CUX1: variants seen among roughly 807,000 people sequenced by gnomAD.
The protein encoded by CUX1 is protein CASP.
In CUX1, 31 loss-of-function variants were observed where a neutral mutation model predicts 158.8. That is an observed-to-expected ratio of 0.20 (90% CI 0.15 to 0.26). The LOEUF (loss-of-function observed/expected upper bound fraction) is 0.26. Ranked by LOEUF, CUX1 falls within the 10% of genes least tolerant of loss-of-function variation. CUX1 has a pLI of 1.00. For synonymous variants in CUX1, 879 were observed against 862.1 expected (o/e 1.02, Z -0.34); for missense variants, 1,589 against 2,014.6 (o/e 0.79, Z 4.04).
At chr7:102,265,217 A>G (rs1336393416) in intron 14 of CUX1, among the ~76,000 whole-genome samples, 3 of 151,952 alleles carry the variant, frequency 2.0e-5, no homozygotes, top group African/African-American at 7.2e-5. Flanking sequence ...TTAGCCGGGC[A>G]TGGTAGCGGG....
intron 2 of CUX1, among the ~76,000 whole-genome samples, chr7:101,976,482 G>A (rs779537675): frequency 6.6e-6 from 1 of 152,132 alleles, no homozygotes; most frequent in African/African-American, 2.4e-5. Flanking sequence ...AAACCCAGAC[G>A]GGGGCAGGAG....
chr7:101,886,537 T>G (rs1178500890), intron 1 of CUX1, among the ~76,000 whole-genome samples: 2 of 152,154 alleles, frequency 1.3e-5, no homozygotes, highest in South Asian at 4.1e-4. Context: ...TTTGTTGACT[T>G]GGCATTCGGC....
chr7:101,897,888 T>C (rs936897607), intron 1 of CUX1, among the ~76,000 whole-genome samples: 1 of 152,198 alleles, frequency 6.6e-6, no homozygotes, highest in Non-Finnish European at 1.5e-5. Context: ...CTGGATTTTA[T>C]CAATAGTTTT....
chr7:101,956,886 TTGTGGTGGGC>T (rs1809845463), intron 2 of CUX1, among the ~76,000 whole-genome samples: 1 of 152,114 alleles, frequency 6.6e-6, no homozygotes, highest in African/African-American at 2.4e-5. Context: ...GAGGTCGAGG[TTGTGGTGGGC>T]TGTGATCACA....
At chr7:102,148,202 A>G (rs1395099582) in intron 8 of CUX1, among the ~76,000 whole-genome samples, 1 of 152,142 alleles carries the variant, frequency 6.6e-6, no homozygotes, top group South Asian at 2.1e-4. Context: ...GCTGAGACCC[A>G]GGCCTGTAGG....
chr7:102,079,242 A>G (rs1827097882), intron 4 of CUX1, among the ~76,000 whole-genome samples: 1 of 152,156 alleles, frequency 6.6e-6, no homozygotes, highest in South Asian at 2.1e-4. Flanking sequence ...GTTCAAGACC[A>G]GTGTGACAAA....
intron 2 of CUX1, among the ~76,000 whole-genome samples, chr7:101,938,512 T>A (rs1304311229): frequency 1.3e-5 from 2 of 152,206 alleles, no homozygotes; most frequent in South Asian, 2.1e-4. Context: ...GAGATTTTTT[T>A]AAAAAGTCAG....
chr7:102,227,219 T>C (rs1798428086), intron 20 of CUX1, 148 bp from the exon 21 acceptor site: 2 of 691,800 alleles, frequency 2.9e-6, no homozygotes, highest in Admixed American at 2.4e-5. Context: ...CAAAAAAATA[T>C]GAAACAGTTC....
rs140414954 is a variant in CUX1 at position 101,851,888 on chromosome 7, G to A, written c.30+34219G>A. Among the ~76,000 whole-genome samples, 395 of 151,506 alleles carry A rather than the reference G, an allele frequency of 2.6e-3. 2 individuals are homozygous for A. The highest frequency in any genetic ancestry group is 9.2e-3 in the African/African-American group (381 of 41,250). On this transcript the variant is annotated intron_variant, in intron 1 of 23. Transcript: ENST00000292535. Reference sequence around the variant, plus strand: ...CTGTCACCCAGGCCAGAGTGTGGTGGCACCATCATGGCTCTCTGCAACCTC... The same window carrying A: ...CTGTCACCCAGGCCAGAGTGTGGTGACACCATCATGGCTCTCTGCAACCTC...
intron 2 of CUX1, among the ~76,000 whole-genome samples, chr7:101,975,177 A>C (rs1812494175): frequency 6.6e-6 from 1 of 151,958 alleles, no homozygotes; most frequent in African/African-American, 2.4e-5. Context: ...CTTGAACCCG[A>C]GAGATGGAGG....
intron 1 of CUX1, among the ~76,000 whole-genome samples, chr7:101,847,268 T>C (rs1283676263): frequency 6.6e-6 from 1 of 152,172 alleles, no homozygotes; most frequent in Non-Finnish European, 1.5e-5. Context: ...GGGAAACTCC[T>C]CTCCTCTAGT....
intron 8 of CUX1, among the ~76,000 whole-genome samples, chr7:102,150,864 G>A (rs548077703): frequency 5.9e-5 from 9 of 152,246 alleles, no homozygotes; most frequent in Non-Finnish European, 1.2e-4. Context: ...GCATAATACC[G>A]GGCAGGTTAA....
chr7:101,880,710 A>C (rs2131554904), intron 1 of CUX1, among the ~76,000 whole-genome samples: 1 of 152,376 alleles, frequency 6.6e-6, no homozygotes, highest in Admixed American at 6.5e-5. Flanking sequence ...ATTTTTATGC[A>C]TCCTGGGTTT....
chr7:101,973,555 C>T (rs1425104903), intron 2 of CUX1, among the ~76,000 whole-genome samples: 1 of 152,108 alleles, frequency 6.6e-6, no homozygotes, highest in Non-Finnish European at 1.5e-5. Flanking sequence ...ATACTGCGTG[C>T]ATTCAATTAA....
intron 3 of CUX1, among the ~76,000 whole-genome samples, chr7:102,062,281 G>A (rs1824972726): frequency 6.6e-6 from 1 of 152,160 alleles, no homozygotes; most frequent in Admixed American, 6.5e-5. Context: ...CTCCTCCAGG[G>A]AGCCTAGATG....
At chr7:102,169,962 G>A (rs1041621253) in intron 9 of CUX1, among the ~76,000 whole-genome samples, 4 of 152,196 alleles carry the variant, frequency 2.6e-5, no homozygotes, top group African/African-American at 9.7e-5. Context: ...TTTACATCCT[G>A]TACGTTTATG....
intron 3 of CUX1, among the ~76,000 whole-genome samples, chr7:102,031,488 A>G (rs12668959): frequency 0.36 from 55,179 of 152,014 alleles, 11,281 homozygotes; most frequent in East Asian, 0.96. Flanking sequence ...GAAATACCCA[A>G]GAAACATCTA....
intron 1 of CUX1, among the ~76,000 whole-genome samples, chr7:101,899,062 G>A (rs1801866187): frequency 6.6e-6 from 1 of 152,256 alleles, no homozygotes. Context: ...GAAGTGGCTG[G>A]AGAGCATCAC....
rs1450265510 is a variant in CUX1, at chr7:102,146,051, A to G, written c.675-12509A>G. 4.6e-5 allele frequency among the ~76,000 whole-genome samples: 7 copies of G among 152,126 alleles called. No homozygotes were observed. In the East Asian group the frequency reaches 9.6e-4, roughly 21 times the overall value. ...CTTTTCTGTAGACCACAATTTTCCT[A>G]ATTTCACTTGATTTTAAAGAACAAA... On this transcript the variant is annotated intron_variant, in intron 8 of 23. Coordinates refer to ENST00000292535, the MANE Select transcript of CUX1 (RefSeq NM_181552.4).
Sources: gnomAD v4.1 joint callset for allele counts (sites outside exome capture counted in the v4.1 genomes callset) on GRCh38, gnomAD v4.1.1 for gene constraint, MANE v1.5 for transcripts, NCBI Gene and HGNC (gene_info 2026-07-23, HGNC 2026-07-21) for gene names.